ELAVL4: variants seen among roughly 807,000 people sequenced by gnomAD.
ELAVL4 encodes the protein ELAV-like protein 4.
Under a neutral mutation model 35.6 loss-of-function variants are expected in ELAVL4, and 1 was observed. The ratio of observed to expected loss-of-function variants is 0.03; its 90% CI spans 0.01 to 0.13. The LOEUF is 0.13. ELAVL4 is among the 10% of genes least tolerant of loss of function. ELAVL4 has a pLI of 1.00. For missense variants in ELAVL4, 267 were observed against 464.9 expected, an observed-to-expected ratio of 0.57 and a Z score of 3.91; for synonymous variants, 156 against 171.0, an observed-to-expected ratio of 0.91 and a Z score of 0.69.
At chr1:50,140,426 A>G (rs956177605) in intron 1 of ELAVL4, among the ~76,000 whole-genome samples, 2 of 152,190 alleles carry the variant, frequency 1.3e-5, no homozygotes, top group Admixed American at 1.3e-4. Flanking sequence ...AAGCAGAGAG[A>G]ACAGGTGTCC....
intron 1 of ELAVL4, among the ~76,000 whole-genome samples, chr1:50,073,181 A>G (rs1557687209): frequency 1.3e-5 from 2 of 152,172 alleles, no homozygotes; most frequent in Non-Finnish European, 2.9e-5. Flanking sequence ...AGTGGAGGGT[A>G]CATCTCTACA....
At chr1:50,119,697 T>C (rs1668696626) in intron 1 of ELAVL4, among the ~76,000 whole-genome samples, 1 of 151,936 alleles carries the variant, frequency 6.6e-6, no homozygotes, top group South Asian at 2.1e-4. Context: ...AACTATCCCA[T>C]GTCCATTTCC....
chr1:50,169,997 C>G (rs1012993728), intron 2 of ELAVL4, among the ~76,000 whole-genome samples: 1 of 152,160 alleles, frequency 6.6e-6, no homozygotes, highest in Non-Finnish European at 1.5e-5. Flanking sequence ...CCCATAGTGT[C>G]TAGCATGTGG....
chr1:50,089,951 G>T (rs1212563481), intron 1 of ELAVL4, among the ~76,000 whole-genome samples: 2 of 152,148 alleles, frequency 1.3e-5, no homozygotes, highest in African/African-American at 4.8e-5. Flanking sequence ...ACGCCTAAGA[G>T]ATTCAGATGT....
At chr1:50,189,035 G>A (rs1299103161) in intron 3 of ELAVL4, among the ~76,000 whole-genome samples, 2 of 152,172 alleles carry the variant, frequency 1.3e-5, no homozygotes, top group Non-Finnish European at 2.9e-5. Flanking sequence ...TAGATGTTTA[G>A]GAAGGGGAGG....
chr1:50,059,712 T>A (rs752575858), intron 1 of ELAVL4, among the ~76,000 whole-genome samples: 2 of 151,854 alleles, frequency 1.3e-5, no homozygotes, highest in Non-Finnish European at 2.9e-5. Context: ...ACAGCCCAGA[T>A]GTCCATGAAT....
intron 1 of ELAVL4, among the ~76,000 whole-genome samples, chr1:50,050,528 G>A (rs976109272): frequency 6.6e-6 from 1 of 152,154 alleles, no homozygotes. Context: ...TTAAGTACAT[G>A]CCTTTGGGAG....
intron 1 of ELAVL4, among the ~76,000 whole-genome samples, chr1:50,122,118 G>A (rs940189615): frequency 1.3e-5 from 2 of 151,968 alleles, no homozygotes; most frequent in Admixed American, 1.3e-4. Context: ...CCAGTAATTG[G>A]TTGGGCCAGG....
intron 2 of ELAVL4, 100 bp downstream of exon 2, chr1:50,145,297 C>A: frequency 6.5e-7 from 1 of 1,536,652 alleles, no homozygotes; most frequent in Non-Finnish European, 8.8e-7. Context: ...TATCATGTAC[C>A]CTGCATGCAA....
At chr1:50,174,400 G>C (rs1679598257) in intron 2 of ELAVL4, 1 of 151,882 alleles carries the variant, frequency 6.6e-6, no homozygotes, top group Non-Finnish European at 1.5e-5. Context: ...TTCTGTTTTA[G>C]AGCTTGAAGT....
chr1:50,057,755 A>C (rs1026120793), intron 1 of ELAVL4, among the ~76,000 whole-genome samples: 1 of 152,200 alleles, frequency 6.6e-6, no homozygotes, highest in Admixed American at 6.5e-5. Context: ...TGATGTTTGC[A>C]TGATGACAAA....
chr1:50,188,862 G>T (rs948472732), intron 3 of ELAVL4, among the ~76,000 whole-genome samples: 2 of 152,188 alleles, frequency 1.3e-5, no homozygotes, highest in Admixed American at 6.5e-5. Context: ...TTGCTGCAGG[G>T]GGTTCTCTCC....
Position 50,109,016 on chromosome 1 carries a change from C to CGGGGGCCG in ELAVL4, c.-174_-173insGGGGGCCG. ...CTCCTTTTCTTTTTTTTCTTTCTCTCCCCCGCCCACCCCCCCAAAAATAAT... is the reference window on the plus strand; with the variant it reads ...CTCCTTTTCTTTTTTTTCTTTCTCTCGGGGGCCGCCCCGCCCACCCCCCCAAAAATAAT... On this transcript the variant is annotated 5_prime_UTR_variant, in exon 1 of 7. Transcript: ENST00000371824. 1.1e-6 allele frequency: 1 copy of CGGGGGCCG among 905,718 alleles called. No individual in the cohort carries two copies. Among genetic ancestry groups the CGGGGGCCG allele is most frequent in the Non-Finnish European group, 1.3e-6 (1 of 761,340 alleles). The allele number at this position is 905,718 out of a possible 1,614,324, so 56.1% of individuals were successfully genotyped here.
intron 1 of ELAVL4, among the ~76,000 whole-genome samples, chr1:50,142,177 A>G (rs1672931149): frequency 6.6e-6 from 1 of 152,132 alleles, no homozygotes. Context: ...TCACACAGCT[A>G]ATAAGTGGTA....
intron 1 of ELAVL4, among the ~76,000 whole-genome samples, chr1:50,125,166 G>A (rs1669688287): frequency 6.6e-6 from 1 of 151,862 alleles, no homozygotes; most frequent in Non-Finnish European, 1.5e-5. Context: ...TTGAGCCCGG[G>A]AGTTTGAGGC....
At chr1:50,117,771 C>G (rs1488691802) in intron 1 of ELAVL4, among the ~76,000 whole-genome samples, 2 of 152,122 alleles carry the variant, frequency 1.3e-5, no homozygotes, top group African/African-American at 4.8e-5. Flanking sequence ...TCTGCCCATG[C>G]CAGATGTCCT....
intron 2 of ELAVL4, among the ~76,000 whole-genome samples, chr1:50,150,034 G>A (rs1674503334): frequency 6.6e-6 from 1 of 151,110 alleles, no homozygotes. Flanking sequence ...GATTTAGGTA[G>A]AGGAAAGAAA....
chr1:50,166,056 A>T (rs1476782452), intron 2 of ELAVL4, among the ~76,000 whole-genome samples: 1 of 151,598 alleles, frequency 6.6e-6, no homozygotes, highest in Admixed American at 6.6e-5. Context: ...CCTGCTTTAT[A>T]TTCTAAGGCA....
In ELAVL4 at chr1:50,055,373, C is replaced by T. The variant is rs1015230099; in HGVS notation, c.18+7191C>T. 3.6e-4 allele frequency among the ~76,000 whole-genome samples: 55 copies of T among 151,944 alleles called. 1 individual carries two copies. The highest frequency in any genetic ancestry group is 1.5e-4 in the Non-Finnish European group (10 of 68,008). On this transcript the variant is annotated intron_variant, in intron 1 of 6. Coordinates refer to the ELAVL4 transcript ENST00000448907. ...GGAGTGCAGTGCCGCGATCTTGGCT[C>T]ACTGCGAGCTCCGCCTCCTGGGCTT...
Sources: gnomAD v4.1 joint callset for allele counts (sites outside exome capture counted in the v4.1 genomes callset) on GRCh38, gnomAD v4.1.1 for gene constraint, MANE v1.5 for transcripts, NCBI Gene and HGNC (gene_info 2026-07-23, HGNC 2026-07-21) for gene names.